Variants in HOXB9 observed in about 807,000 individuals in gnomAD.
HOXB9 encodes the protein homeobox protein Hox-B9.
Under a neutral mutation model 21.5 loss-of-function variants are expected in HOXB9, and 10 were observed. The ratio of observed to expected loss-of-function variants is 0.47; its 90% CI spans 0.29 to 0.79. The LOEUF is 0.79. Among genes scored for constraint, HOXB9 ranks in the 30% least tolerant of loss-of-function variants. The pLI, the probability that HOXB9 is intolerant of heterozygous loss-of-function variation, is 0.10. For missense variants in HOXB9, 375 were observed against 338.7 expected, an observed-to-expected ratio of 1.11 and a Z score of -0.84; for synonymous variants, 156 against 151.2, an observed-to-expected ratio of 1.03 and a Z score of -0.23.
In HOXB9 at chr17:48,622,337, T is replaced by A. The variant is rs1252308723; in HGVS notation, c.*563A>T. The A allele has an allele frequency of 2.6e-5, 4 of 153,316 alleles. No homozygotes were observed. Among genetic ancestry groups the A allele is most frequent in the African/African-American group, 9.7e-5 (4 of 41,432 alleles). 9.5% of individuals were successfully genotyped at this position (153,316 alleles called of 1,614,324 possible). A position where few individuals can be genotyped will look rare whatever the true frequency, so the allele number is the denominator to read the frequency against. ...ACTCAGGAGTCTGCCTCTAGACATC[T>A]CCCTGGTGGGTATTTGCATTAGGGG... On this transcript the variant is annotated 3_prime_UTR_variant, in exon 2 of 2. Transcript: ENST00000311177.
chr17:48,625,761 G>A lies in HOXB9; in HGVS notation c.509C>T (p.Pro170Leu). ...CACTTTTTATAACTTACTTTGATCC[G>A]GCCTCTCTTTGTCCTCGCTTCCTTC... ...ICEGSEDKERPDQTNPSANWL... is the reference protein window; with the variant it reads ...ICEGSEDKERLDQTNPSANWL... The change falls in exon 1 of 2, where the codon CCG (proline) becomes CTG (leucine). Residue 170 changes from proline to leucine, a missense_variant. Pro to Leu is a moderately conservative substitution (Grantham distance 98, BLOSUM62 -3). Coordinates refer to ENST00000311177, the MANE Select transcript of HOXB9 (RefSeq NM_024017.5). The A allele has an allele frequency of 1.3e-6, 2 of 1,583,188 alleles. No homozygotes were observed. The highest frequency in any genetic ancestry group is 1.7e-6 in the Non-Finnish European group (2 of 1,165,036).
chr17:48,623,930 G>A (rs1211471685), intron 1 of HOXB9, among the ~76,000 whole-genome samples: 3 of 152,164 alleles, frequency 2.0e-5, no homozygotes, highest in Non-Finnish European at 4.4e-5. Flanking sequence ...GCAAGTGCAG[G>A]GAAATTAGGG....
At position 48,623,031 on chromosome 17, in the gene HOXB9, T is replaced by C. The variant is rs778339503; in HGVS notation, c.622A>G (p.Met208Val). 3 of 1,614,070 alleles carry C rather than the reference T, an allele frequency of 1.9e-6. No individual in the cohort carries two copies. Among genetic ancestry groups the C allele is most frequent in the African/African-American group, 2.7e-5 (2 of 74,918 alleles). The change falls in exon 2 of 2, where the codon ATG becomes GTG. Residue 208 changes from methionine (M) to valine (V), a missense_variant. Transcript: ENST00000311177. ...TGCCTACGGTCCCTGGTGAGGTACA[T>C]ATTGAACAGAAACTCCTTCTCTAGC... The part of the protein sequence containing the change: ...LELEKEFLFN[M>V]YLTRDRRHEV...
Position 48,626,346 on chromosome 17 carries a change from C to A in HOXB9, c.-77G>T, listed in dbSNP as rs1426850989. On this transcript the variant is annotated 5_prime_UTR_variant, in exon 1 of 2. Transcript: ENST00000311177. Reference sequence around the variant, plus strand: ...GGCGCCCAAGCAGGGAGAGGTGGCACCCGGACCGGTGTGAGGGCTTTCGGA... The same window carrying A: ...GGCGCCCAAGCAGGGAGAGGTGGCAACCGGACCGGTGTGAGGGCTTTCGGA... 1.4e-5 allele frequency: 20 copies of A among 1,474,344 alleles called. No individual in the cohort carries two copies. Among genetic ancestry groups the A allele is most frequent in the Middle Eastern group, 2.5e-4 (1 of 3,976 alleles). 91.3% of individuals were successfully genotyped at this position (1,474,344 alleles called of 1,614,324 possible). A position where few individuals can be genotyped will look rare whatever the true frequency, so the allele number is the denominator to read the frequency against.
In HOXB9 at chr17:48,625,923, A is replaced by G. The variant is rs1281662587; in HGVS notation, c.347T>C (p.Val116Ala). 4 of 1,576,920 alleles carry G rather than the reference A, an allele frequency of 2.5e-6. No individual in the cohort carries two copies. The highest frequency in any genetic ancestry group is 1.4e-5 in the African/African-American group (1 of 72,086). The change falls in exon 1 of 2, where the codon GTG becomes GCG. Residue 116 changes from valine to alanine, a missense_variant. Val to Ala is a moderately conservative substitution (Grantham distance 64). Transcript: ENST00000311177. ...EAAPGQGQAA[V>A]KAEPLLGAPG... Reference sequence around the variant, plus strand: ...CGCGCCCAGCAGCGGCTCCGCCTTCACCGCCGCCTGGCCCTGCCCCGGGGC... The same window carrying G: ...CGCGCCCAGCAGCGGCTCCGCCTTCGCCGCCGCCTGGCCCTGCCCCGGGGC...
At chr17:48,623,582 T>C (rs2070788436) in intron 1 of HOXB9, among the ~76,000 whole-genome samples, 1 of 152,078 alleles carries the variant, frequency 6.6e-6, no homozygotes, top group African/African-American at 2.4e-5. Context: ...GTCACTGCAT[T>C]TGGGGTGTCA....
chr17:48,625,170 G>T (rs2070801387), intron 1 of HOXB9, among the ~76,000 whole-genome samples: 1 of 152,274 alleles, frequency 6.6e-6, no homozygotes, highest in Non-Finnish European at 1.5e-5. Flanking sequence ...CCTGTCGCCG[G>T]TTGCGGACTC....
Position 48,625,803 on chromosome 17 carries a change from C to T in HOXB9, c.467G>A (p.Gly156Glu). 1 of 1,609,060 alleles carries T rather than the reference C, an allele frequency of 6.2e-7. No homozygotes were observed. Among genetic ancestry groups the T allele is most frequent in the South Asian group, 1.1e-5 (1 of 90,074 alleles). The change falls in exon 1 of 2, where the codon GGG (glycine) becomes GAG (glutamate). Residue 156 changes from glycine to glutamate, a missense_variant. Coordinates refer to ENST00000311177, the MANE Select transcript of HOXB9 (RefSeq NM_024017.5). ...GCTTCCTTCGCAAATTTTATTGTCC[C>T]CGTAGCCGGGTCTTTGATTAGACAG... Reference protein sequence around the residue: ...AVLSNQRPGYGDNKICEGSED... With the variant: ...AVLSNQRPGYEDNKICEGSED...
rs547572900 is a variant in HOXB9, at chr17:48,622,707, C to T, written c.*193G>A. 4.8e-4 allele frequency: 265 copies of T among 554,046 alleles called. 3 individuals are homozygous for T. In the South Asian group the frequency reaches 5.1e-3, roughly 11 times the overall value. The allele number at this position is 554,046 out of a possible 1,614,324, so 34.3% of individuals were successfully genotyped here. On this transcript the variant is annotated 3_prime_UTR_variant, in exon 2 of 2. Coordinates refer to ENST00000311177, the MANE Select transcript of HOXB9 (RefSeq NM_024017.5). ...AAATCAACAAAACTTTCTCCTGACA[C>T]CTAGAGAGAAGAGAGAGACAGGTAA...
Position 48,626,041 on chromosome 17 carries a change from C to T in HOXB9, c.229G>A (p.Val77Ile). The T allele has an allele frequency of 5.1e-6, 8 of 1,578,326 alleles. No homozygotes were observed. Among genetic ancestry groups the T allele is most frequent in the Middle Eastern group, 1.7e-4 (1 of 5,768 alleles). ...SPHASGSLPS[V>I]YHPYIQPQGV... ...TGGGGCTGGATGTAAGGGTGGTAGACGGACGGCAGGCTCCCGGACGCGTGC... is the reference window on the plus strand; with the variant it reads ...TGGGGCTGGATGTAAGGGTGGTAGATGGACGGCAGGCTCCCGGACGCGTGC... The change falls in exon 1 of 2, where the codon GTC (valine) becomes ATC (isoleucine). Residue 77 changes from valine to isoleucine, a missense_variant. Physicochemically the swap from Val to Ile is conservative, Grantham distance 29. Coordinates refer to ENST00000311177, the MANE Select transcript of HOXB9 (RefSeq NM_024017.5).
chr17:48,624,451 G>A (rs890428286), intron 1 of HOXB9, among the ~76,000 whole-genome samples: 39 of 151,828 alleles, frequency 2.6e-4, no homozygotes, highest in African/African-American at 8.3e-4. Flanking sequence ...GGGAGTGTGC[G>A]GGGAGGGTTG....
rs200925253 is a variant in HOXB9, at chr17:48,625,780, T to C, written c.490A>G (p.Ser164Gly). 1.9e-6 allele frequency: 3 copies of C among 1,601,562 alleles called. No individual in the cohort carries two copies. In the African/African-American group the frequency reaches 4.1e-5, roughly 22 times the overall value. Residue 164 changes from serine to glycine, a missense_variant, in exon 1 of 2, where the codon AGC (serine) becomes GGC (glycine). Transcript: ENST00000311177. ...GYGDNKICEG[S>G]EDKERPDQTN... is the part of the protein sequence containing the mutation. ...TGATCCGGCCTCTCTTTGTCCTCGCTTCCTTCGCAAATTTTATTGTCCCCG... is the reference window on the plus strand; with the variant it reads ...TGATCCGGCCTCTCTTTGTCCTCGCCTCCTTCGCAAATTTTATTGTCCCCG...
At chr17:48,623,792 G>A (rs1032604996) in intron 1 of HOXB9, among the ~76,000 whole-genome samples, 24 of 152,178 alleles carry the variant, frequency 1.6e-4, no homozygotes, top group African/African-American at 5.6e-4. Flanking sequence ...CAATTCACAC[G>A]CAATGCAATT....
intron 1 of HOXB9, among the ~76,000 whole-genome samples, chr17:48,624,801 A>G (rs1449311621): frequency 6.6e-6 from 1 of 152,154 alleles, no homozygotes; most frequent in African/African-American, 2.4e-5. Flanking sequence ...AAAATCAGCC[A>G]GACTTGGCGT....
rs765093055 is a variant in HOXB9 at position 48,622,885 on chromosome 17, G to T, written c.*15C>A. 2 of 1,580,192 alleles carry T rather than the reference G, an allele frequency of 1.3e-6. No individual in the cohort carries two copies. Among genetic ancestry groups the T allele is most frequent in the South Asian group, 1.1e-5 (1 of 90,348 alleles). On this transcript the variant is annotated 3_prime_UTR_variant, in exon 2 of 2. Coordinates refer to ENST00000311177, the MANE Select transcript of HOXB9 (RefSeq NM_024017.5). ...TGGGGAAGAGCTAGGGAGGACTGGGGGTAATCTTTAATCTTTACTCTTTGC... is the reference window on the plus strand; with the variant it reads ...TGGGGAAGAGCTAGGGAGGACTGGGTGTAATCTTTAATCTTTACTCTTTGC...
In HOXB9 at chr17:48,625,883, G is replaced by A. The variant is rs751578955; in HGVS notation, c.387C>T (p.Leu129=). The A allele has an allele frequency of 3.1e-6, 5 of 1,605,222 alleles. No homozygotes were observed. In the Admixed American group the frequency reaches 8.4e-5, roughly 27 times the overall value. The change falls in exon 1 of 2, where the codon CTC becomes CTT. Residue 129 remains leucine, a synonymous_variant. Coordinates refer to ENST00000311177, the MANE Select transcript of HOXB9 (RefSeq NM_024017.5). The stretch of plus-strand genomic sequence containing the variant: ...AACTGTACTCGGGCGTGCCCTGTTT[G>A]AGCAGCTCCCCAGGCGCGCCCAGCA... ...EPLLGAPGEL[L]KQGTPEYSLE...
Position 48,621,650 on chromosome 17 carries a change from G to C in HOXB9, c.*1250C>G, listed in dbSNP as rs988049396. The C allele has an allele frequency of 4.6e-5, 7 of 152,256 alleles. No individual in the cohort carries two copies. Among genetic ancestry groups the C allele is most frequent in the Non-Finnish European group, 1.0e-4 (7 of 68,074 alleles). 9.4% of individuals were successfully genotyped at this position (152,256 alleles called of 1,614,324 possible). A position where few individuals can be genotyped will look rare whatever the true frequency, so the allele number is the denominator to read the frequency against. On this transcript the variant is annotated 3_prime_UTR_variant, in exon 2 of 2. Transcript: ENST00000311177. ...CGCTGGGGCTAGAGCCGCCAAGCCC[G>C]GGGCTTCTCTGCGTGGGTCGAGAAG...
chr17:48,625,631 C>G, intron 1 of HOXB9, 122 bp downstream of exon 1: 3 of 1,246,460 alleles, frequency 2.4e-6, no homozygotes, highest in Non-Finnish European at 2.2e-6. Flanking sequence ...CCTCCTCCTC[C>G]CGGCCCGCTC....
chr17:48,624,449 GC>G (rs557134855), intron 1 of HOXB9, among the ~76,000 whole-genome samples: 216 of 152,260 alleles, frequency 1.4e-3, no homozygotes, highest in African/African-American at 5.0e-3. Flanking sequence ...TTGGGAGTGT[GC>G]GGGGAGGGTT....
Sources: gnomAD v4.1 joint callset for allele counts (sites outside exome capture counted in the v4.1 genomes callset) on GRCh38, gnomAD v4.1.1 for gene constraint, MANE v1.5 for transcripts, NCBI Gene and HGNC (gene_info 2026-07-23, HGNC 2026-07-21) for gene names.